Variants in LAMA1 observed in about 807,000 individuals in gnomAD.
LAMA1 encodes the protein laminin subunit alpha 1, also known as laminin subunit alpha-1.
Under a neutral mutation model 348.7 loss-of-function variants are expected in LAMA1, and 219 were observed. The ratio of observed to expected loss-of-function variants is 0.63; its 90% CI spans 0.56 to 0.70. LAMA1 has a LOEUF of 0.70. Among genes scored for constraint, LAMA1 ranks in the 30% least tolerant of loss-of-function variants. The pLI is 0.00. For synonymous variants in LAMA1, 1,487 were observed against 1,491.0 expected, an observed-to-expected ratio of 1.00 and a Z score of 0.06; for missense variants, 3,744 against 3,888.0, an observed-to-expected ratio of 0.96 and a Z score of 0.99.
intron 1 of LAMA1, among the ~76,000 whole-genome samples, chr18:7,091,475 T>C (rs1409128027): frequency 1.3e-5 from 2 of 152,210 alleles, no homozygotes; most frequent in Non-Finnish European, 2.9e-5. Context: ...AAACACCAGT[T>C]TTCTGACCAG....
chr18:6,963,372 C>T (rs555968090), intron 51 of LAMA1, among the ~76,000 whole-genome samples: 21 of 152,328 alleles, frequency 1.4e-4, no homozygotes, highest in African/African-American at 5.1e-4. Context: ...GAGACAGCTT[C>T]CAGTCCTGGC....
rs201332041 is a variant in LAMA1 at position 7,093,362 on chromosome 18, T to G, written c.62-12905A>C. Among the ~76,000 whole-genome samples the G allele has an allele frequency of 4.4e-3, 669 of 151,686 alleles. 19 individuals are homozygous for G. In the East Asian group the frequency reaches 0.087, roughly 20 times the overall value. The stretch of plus-strand genomic sequence containing the variant: ...ACCCGGGAGGTGGAGCTTGCAGTGA[T>G]CCAAGATCGCGCCACTGCACTCCAG... On this transcript the variant is annotated intron_variant, in intron 1 of 62. Transcript: ENST00000389658.
chr18:6,953,344 A>T lies in LAMA1; in HGVS notation c.8207+2009T>A, dbSNP rs553969488. ...TTTTACTCAATAATGCCCTCGAGGCACAAGAGGAGTGATGCTGGCATATTG... is the reference window on the plus strand; with the variant it reads ...TTTTACTCAATAATGCCCTCGAGGCTCAAGAGGAGTGATGCTGGCATATTG... On this transcript the variant is annotated intron_variant, in intron 57 of 62. Coordinates refer to ENST00000389658, the MANE Select transcript of LAMA1 (RefSeq NM_005559.4). Among the ~76,000 whole-genome samples, 6 of 152,406 alleles carry T rather than the reference A, an allele frequency of 3.9e-5. No homozygotes were observed. The East Asian group carries it at 1.2e-3, about 29-fold the overall frequency.
At chr18:6,956,436 G>T in intron 56 of LAMA1, 200 bp downstream of exon 56, 1 of 799,474 alleles carries the variant, frequency 1.3e-6, no homozygotes, top group Non-Finnish European at 2.1e-6. Flanking sequence ...TACAATCTAT[G>T]GATTGGGCCG....
chr18:7,009,508 C>A (rs867081853), intron 26 of LAMA1, 142 bp from the exon 27 acceptor site: 1 of 834,496 alleles, frequency 1.2e-6, no homozygotes, highest in Non-Finnish European at 1.9e-6. Context: ...CTGACAAAGA[C>A]CTCCTGAAAC....
intron 3 of LAMA1, among the ~76,000 whole-genome samples, chr18:7,054,740 C>T (rs757813377): frequency 2.0e-5 from 3 of 152,112 alleles, no homozygotes; most frequent in Non-Finnish European, 4.4e-5. Flanking sequence ...GCAAAACCAA[C>T]CCCTCTTCCT....
At chr18:6,994,966 G>C (rs949291178) in intron 34 of LAMA1, among the ~76,000 whole-genome samples, 1 of 152,108 alleles carries the variant, frequency 6.6e-6, no homozygotes, top group Non-Finnish European at 1.5e-5. Context: ...AAGCTGCAGA[G>C]AGCATTACTG....
chr18:6,978,340 T>C lies in LAMA1; in HGVS notation c.6046A>G (p.Thr2016Ala). ...CTCACCGCGCTCTGGCTTGCAGACG[T>C]GGCCAGCTCTTTGGTTTTGGCTCCC... The part of the protein sequence containing the change: ...DKGAKTKELA[T>A]SASQSAVSTL... The change falls in exon 43 of 63, where the codon ACG becomes GCG. Residue 2016 changes from threonine (T) to alanine (A), a missense_variant. Physicochemically the swap from Thr to Ala is moderately conservative, Grantham distance 58. Coordinates refer to ENST00000389658, the MANE Select transcript of LAMA1 (RefSeq NM_005559.4). The C allele has an allele frequency of 6.2e-7, 1 of 1,614,206 alleles. No homozygotes were observed.
chr18:6,970,627 C>T (rs2057653707), intron 48 of LAMA1, among the ~76,000 whole-genome samples: 1 of 144,920 alleles, frequency 6.9e-6, no homozygotes, highest in Non-Finnish European at 1.5e-5. Context: ...CTGGTCCTAA[C>T]TTTTTTTTTT....
chr18:7,043,472 C>A (rs2058029150), intron 7 of LAMA1, 67 bp from the exon 8 acceptor site: 21 of 1,273,744 alleles, frequency 1.6e-5, no homozygotes, highest in Non-Finnish European at 2.2e-5. Flanking sequence ...AAACTCTTAA[C>A]CTCCCTAAGT....
rs2058295261 is a variant in LAMA1 at position 7,102,439 on chromosome 18, A to C, written c.61+15221T>G. 2.0e-5 allele frequency among the ~76,000 whole-genome samples: 3 copies of C among 152,068 alleles called. No individual in the cohort carries two copies. In the South Asian group the frequency reaches 6.2e-4, roughly 32 times the overall value. Reference sequence around the variant, plus strand: ...TCCCTTAAAAAAAAGAAAAACCTCTACTATACGTAAAAATATCACTACTCA... The same window carrying C: ...TCCCTTAAAAAAAAGAAAAACCTCTCCTATACGTAAAAATATCACTACTCA... On this transcript the variant is annotated intron_variant, in intron 1 of 62. Coordinates refer to ENST00000389658, the MANE Select transcript of LAMA1 (RefSeq NM_005559.4).
intron 16 of LAMA1, among the ~76,000 whole-genome samples, chr18:7,026,425 T>A (rs867227393): frequency 3.3e-5 from 5 of 152,252 alleles, no homozygotes; most frequent in Middle Eastern, 6.8e-3. Flanking sequence ...CTAAGGGGAA[T>A]TCTGATGAAG....
In LAMA1 at chr18:6,956,591, C is replaced by G; in HGVS notation, c.8094+45G>C. 3 of 1,613,288 alleles carry G rather than the reference C, an allele frequency of 1.9e-6. No individual in the cohort carries two copies. In the South Asian group the frequency reaches 3.3e-5, roughly 18 times the overall value. On this transcript the variant is annotated intron_variant, in intron 56 of 62. Transcript: ENST00000389658. ...TTAACTCCCTCTGTCCTAGGCCCTC[C>G]TTTGCTGACTGGACCTGACTGATAG...
chr18:7,074,953 C>T (rs909612828), intron 3 of LAMA1, among the ~76,000 whole-genome samples: 2 of 70,796 alleles, frequency 2.8e-5, no homozygotes, highest in Non-Finnish European at 5.4e-5. Flanking sequence ...ATAACCAAAC[C>T]TAATACATAG....
At position 7,013,873 on chromosome 18, in the gene LAMA1, C is replaced by A; in HGVS notation, c.3305G>T (p.Cys1102Phe). ...GCCGCAGAGACCCTGCTCCAGGTTGCAGGCGTCCCCCGACGTCCCCCTCAG... is the reference window on the plus strand; with the variant it reads ...GCCGCAGAGACCCTGCTCCAGGTTGAAGGCGTCCCCCGACGTCCCCCTCAG... Reference protein sequence around the residue: ...CDLRGTSGDACNLEQGLCGCV... With the variant: ...CDLRGTSGDAFNLEQGLCGCV... The change falls in exon 23 of 63, where the codon TGC (cysteine) becomes TTC (phenylalanine). Residue 1102 changes from cysteine to phenylalanine, a missense_variant. Physicochemically the swap from Cys to Phe is radical, Grantham distance 205. Transcript: ENST00000389658. 2 of 1,612,082 alleles carry A rather than the reference C, an allele frequency of 1.2e-6. No individual in the cohort carries two copies. The highest frequency in any genetic ancestry group is 1.7e-6 in the Non-Finnish European group (2 of 1,178,986).
intron 3 of LAMA1, among the ~76,000 whole-genome samples, chr18:7,074,211 C>T (rs978457180): frequency 3.9e-5 from 6 of 152,176 alleles, no homozygotes; most frequent in African/African-American, 1.2e-4. Flanking sequence ...ATTTTCTTCA[C>T]ATCCTCACCA....
intron 1 of LAMA1, among the ~76,000 whole-genome samples, chr18:7,110,193 CAA>C (rs58053263): frequency 6.7e-5 from 9 of 134,358 alleles, no homozygotes; most frequent in East Asian, 2.3e-4. Flanking sequence ...CACCCGCTGC[CAA>C]AAAAAAAAAA....
intron 36 of LAMA1, among the ~76,000 whole-genome samples, chr18:6,991,404 T>C (rs990268630): frequency 6.7e-6 from 1 of 149,694 alleles, no homozygotes; most frequent in Non-Finnish European, 1.5e-5. Flanking sequence ...TTTTTTTTTT[T>C]TTTTGAGACG....
intron 57 of LAMA1, among the ~76,000 whole-genome samples, chr18:6,952,144 TC>T (rs949494843): frequency 1.1e-4 from 16 of 152,116 alleles, no homozygotes; most frequent in African/African-American, 3.9e-4. Context: ...TAGAAGGCCA[TC>T]CTGGGAGAGC....
Sources: allele counts gnomAD v4.1 joint callset (sites outside exome capture counted in the v4.1 genomes callset), GRCh38; gene constraint gnomAD v4.1.1; transcripts MANE v1.5; gene names NCBI Gene and HGNC (gene_info 2026-07-23, HGNC 2026-07-21).